Variants in FYB1 observed in about 807,000 individuals in gnomAD.
FYB1 encodes the protein FYN binding protein 1, also known as FYN-binding protein 1.
A neutral mutation model predicts 94.1 loss-of-function variants in FYB1; 41 were observed. The observed-to-expected ratio is 0.44, with a 90% CI of 0.34 to 0.57. The LOEUF (loss-of-function observed/expected upper bound fraction) is 0.57. Ranked by LOEUF, FYB1 falls within the 20% of genes least tolerant of loss-of-function variation. FYB1 has a pLI of 0.02. For synonymous variants in FYB1, 367 were observed against 353.2 expected, an observed-to-expected ratio of 1.04 and a Z score of -0.44; for missense variants, 1,050 against 976.8, an observed-to-expected ratio of 1.07 and a Z score of -1.00.
At chr5:39,226,664 G>A (rs1750485100) in intron 1 of FYB1, among the ~76,000 whole-genome samples, 2 of 152,074 alleles carry the variant, frequency 1.3e-5, no homozygotes, top group African/African-American at 4.8e-5. Flanking sequence ...TCTTGTCAGG[G>A]GTAGAGTTCA....
Position 39,228,558 on chromosome 5 carries a change from A to G in FYB1, c.-27-25571T>C, listed in dbSNP as rs113507393. On this transcript the variant is annotated intron_variant, in intron 1 of 1. Transcript: ENST00000510188. Reference sequence around the variant, plus strand: ...TGTTGTCAGTTTCTTTCCAGAACTGAAGGAAGTGGAAGTAGAATCATAAGC... The same window carrying G: ...TGTTGTCAGTTTCTTTCCAGAACTGGAGGAAGTGGAAGTAGAATCATAAGC... 9.1e-4 allele frequency among the ~76,000 whole-genome samples: 138 copies of G among 152,290 alleles called. 2 individuals carry two copies. Among genetic ancestry groups the G allele is most frequent in the African/African-American group, 3.2e-3 (132 of 41,566 alleles).
chr5:39,236,426 C>G (rs266897), intron 1 of FYB1, among the ~76,000 whole-genome samples: 99,734 of 151,890 alleles, frequency 0.66, 36,763 homozygotes, highest in Non-Finnish European at 0.83. Context: ...AAATATAGGC[C>G]ATTAATGTAG....
intron 1 of FYB1, among the ~76,000 whole-genome samples, chr5:39,259,144 G>A (rs1365511493): frequency 6.6e-6 from 1 of 152,190 alleles, no homozygotes; most frequent in African/African-American, 2.4e-5. Flanking sequence ...GGGTGTGGAG[G>A]TGCTACTGCT....
chr5:39,201,104 G>A (rs151311922), intron 2 of FYB1, among the ~76,000 whole-genome samples: 1 of 152,160 alleles, frequency 6.6e-6, no homozygotes, highest in Admixed American at 6.5e-5. Context: ...TTTATACTGA[G>A]AAATGGAAAA....
At chr5:39,197,439 T>C (rs771826239) in intron 2 of FYB1, among the ~76,000 whole-genome samples, 6 of 152,196 alleles carry the variant, frequency 3.9e-5, no homozygotes, top group Non-Finnish European at 8.8e-5. Context: ...TTGGAGTTCA[T>C]GTAAAAACTC....
At position 39,105,528 on chromosome 5, in the gene FYB1, C is replaced by T. The variant is rs1173223046; in HGVS notation, c.*1915G>A. ...TAATTCTCAATCAGAAAAAAAATTA[C>T]TGTCAGACTGCAATGCAAGTCTGCC... On this transcript the variant is annotated 3_prime_UTR_variant, in exon 19 of 19. Coordinates refer to ENST00000512982, the MANE Select transcript of FYB1 (RefSeq NM_001465.6). 1 of 152,088 alleles carries T rather than the reference C, an allele frequency of 6.6e-6. No homozygotes were observed. Among genetic ancestry groups the T allele is most frequent in the Non-Finnish European group, 1.5e-5 (1 of 68,026 alleles). 9.4% of individuals were successfully genotyped at this position (152,088 alleles called of 1,614,324 possible).
intron 2 of FYB1, among the ~76,000 whole-genome samples, chr5:39,181,537 C>T (rs758068913): frequency 4.5e-4 from 68 of 152,130 alleles, no homozygotes; most frequent in Non-Finnish European, 6.6e-4. Context: ...AACAATGTAG[C>T]GAGAACTGAA....
intron 16 of FYB1, among the ~76,000 whole-genome samples, chr5:39,112,092 G>A (rs1016241765): frequency 2.0e-5 from 3 of 151,912 alleles, no homozygotes; most frequent in African/African-American, 7.2e-5. Context: ...TCTCTCAAAA[G>A]AGAAAAATCT....
rs190690558 is a variant in FYB1 at position 39,270,064 on chromosome 5, C to G, written c.-28+4339G>C. On this transcript the variant is annotated intron_variant, in intron 1 of 1. Coordinates refer to the FYB1 transcript ENST00000510188. ...ATTAATTTTGAGAAGACAATCTGTC[C>G]TTAAGGTTAAGACTGTTTGGGCTTT... Among the ~76,000 whole-genome samples the G allele has an allele frequency of 7.8e-4, 119 of 152,226 alleles. 1 individual carries two copies. Among genetic ancestry groups the G allele is most frequent in the African/African-American group, 2.7e-3 (113 of 41,550 alleles).
intron 1 of FYB1, among the ~76,000 whole-genome samples, chr5:39,260,057 CAG>C (rs1301184869): frequency 6.6e-6 from 1 of 152,000 alleles, no homozygotes; most frequent in African/African-American, 2.4e-5. Flanking sequence ...AAGAGAGACA[CAG>C]AGATAAAAAG....
chr5:39,233,948 A>G (rs1214615937), intron 1 of FYB1, among the ~76,000 whole-genome samples: 1 of 152,100 alleles, frequency 6.6e-6, no homozygotes, highest in Non-Finnish European at 1.5e-5. Context: ...CCTGAAAGGG[A>G]CTTGATGACT....
intron 1 of FYB1, among the ~76,000 whole-genome samples, chr5:39,215,710 C>T (rs970747813): frequency 1.3e-5 from 2 of 152,130 alleles, no homozygotes; most frequent in African/African-American, 4.8e-5. Flanking sequence ...GATTGGGGCA[C>T]CTTTTGGTGG....
chr5:39,228,588 A>C (rs1183950720), intron 1 of FYB1, among the ~76,000 whole-genome samples: 1 of 152,204 alleles, frequency 6.6e-6, no homozygotes, highest in Non-Finnish European at 1.5e-5. Flanking sequence ...ATAAGCCTCC[A>C]GTTTTCTTGA....
At chr5:39,164,835 C>G (rs1029347805) in intron 2 of FYB1, among the ~76,000 whole-genome samples, 1 of 152,308 alleles carries the variant, frequency 6.6e-6, no homozygotes, top group East Asian at 1.9e-4. Context: ...CAAGCTTTTC[C>G]TTGCTAAAAC....
intron 1 of FYB1, among the ~76,000 whole-genome samples, chr5:39,254,023 C>T (rs893269972): frequency 6.6e-6 from 1 of 152,142 alleles, no homozygotes; most frequent in Admixed American, 6.5e-5. Flanking sequence ...AGGACATGAT[C>T]TCATTATTTT....
chr5:39,257,348 C>T (rs1751981404), intron 1 of FYB1, among the ~76,000 whole-genome samples: 2 of 151,544 alleles, frequency 1.3e-5, no homozygotes, highest in Non-Finnish European at 2.9e-5. Flanking sequence ...AGAGAAATAC[C>T]CTTTAAATAC....
chr5:39,131,539 T>C (rs750463560), intron 9 of FYB1, among the ~76,000 whole-genome samples: 1 of 152,208 alleles, frequency 6.6e-6, no homozygotes, highest in African/African-American at 2.4e-5. Flanking sequence ...GATGCAGATC[T>C]CCTGTTAAAT....
intron 8 of FYB1, 120 bp from the exon 9 acceptor site, chr5:39,134,469 T>C (rs1741481858): frequency 1.1e-6 from 1 of 945,828 alleles, no homozygotes; most frequent in African/African-American, 1.7e-5. Context: ...TTTCTTGTAG[T>C]TCTGATTTGT....
intron 1 of FYB1, among the ~76,000 whole-genome samples, chr5:39,248,780 C>A (rs763292443): frequency 1.3e-5 from 2 of 151,948 alleles, no homozygotes; most frequent in Admixed American, 6.6e-5. Flanking sequence ...GTTTTTGCAG[C>A]GAGCCGAGAT....
Sources: gnomAD v4.1 joint callset for allele counts (sites outside exome capture counted in the v4.1 genomes callset) on GRCh38, gnomAD v4.1.1 for gene constraint, MANE v1.5 for transcripts, NCBI Gene and HGNC (gene_info 2026-07-23, HGNC 2026-07-21) for gene names.